OXCT1: variants seen among roughly 807,000 people sequenced by gnomAD.
OXCT1 encodes the protein 3-oxoacid CoA-transferase 1.
In OXCT1, 27 loss-of-function variants were observed where a neutral mutation model predicts 69.6. The ratio of observed to expected loss-of-function variants is 0.39; its 90% CI spans 0.29 to 0.54. OXCT1 has a LOEUF of 0.54. Among genes scored for constraint, OXCT1 ranks in the 20% least tolerant of loss-of-function variants. The pLI is 0.72. For missense variants in OXCT1, 437 were observed against 650.2 expected, an observed-to-expected ratio of 0.67 and a Z score of 3.57; for synonymous variants, 202 against 217.8, an observed-to-expected ratio of 0.93 and a Z score of 0.64.
At chr5:41,857,112 A>G (rs1191676019) in intron 3 of OXCT1, among the ~76,000 whole-genome samples, 1 of 152,138 alleles carries the variant, frequency 6.6e-6, no homozygotes, top group Non-Finnish European at 1.5e-5. Flanking sequence ...CCCCCTTCAA[A>G]GCCTATTCAA....
At chr5:41,736,013 G>T (rs1160595569) in intron 16 of OXCT1, among the ~76,000 whole-genome samples, 3 of 152,212 alleles carry the variant, frequency 2.0e-5, no homozygotes, top group African/African-American at 4.8e-5. Flanking sequence ...TGAAAAGCCT[G>T]CTGTGGCTGT....
intron 3 of OXCT1, among the ~76,000 whole-genome samples, 172 bp downstream of exon 3, chr5:41,861,142 A>G (rs1749713122): frequency 6.6e-6 from 1 of 152,042 alleles, no homozygotes; most frequent in Admixed American, 6.6e-5. Flanking sequence ...TGGTACCAAA[A>G]ACATTTGGAT....
chr5:41,768,989 A>G (rs946217718), intron 13 of OXCT1, among the ~76,000 whole-genome samples: 14 of 152,086 alleles, frequency 9.2e-5, no homozygotes, highest in Non-Finnish European at 1.6e-4. Flanking sequence ...TGGCTCCCAC[A>G]TGCCTTGAGG....
chr5:41,771,497 G>A (rs1331276741), intron 13 of OXCT1, among the ~76,000 whole-genome samples: 5 of 152,112 alleles, frequency 3.3e-5, no homozygotes, highest in Non-Finnish European at 7.4e-5. Context: ...CTATTTGTTA[G>A]ATTTTGAAAA....
chr5:41,792,181 G>A (rs911712261), intron 13 of OXCT1, among the ~76,000 whole-genome samples: 4 of 152,154 alleles, frequency 2.6e-5, no homozygotes, highest in African/African-American at 9.7e-5. Flanking sequence ...TGTATGCATT[G>A]TCACATGTAT....
At chr5:41,809,085 C>A (rs1364891423) in intron 7 of OXCT1, among the ~76,000 whole-genome samples, 1 of 144,872 alleles carries the variant, frequency 6.9e-6, no homozygotes, top group Non-Finnish European at 1.5e-5. Context: ...ATTTAATGAT[C>A]TCATAATTTC....
chr5:41,817,107 T>A (rs977186866), intron 7 of OXCT1, among the ~76,000 whole-genome samples: 1 of 152,110 alleles, frequency 6.6e-6, no homozygotes, highest in Non-Finnish European at 1.5e-5. Flanking sequence ...AACTTAAGTA[T>A]GATGATTAAA....
chr5:41,782,765 G>T (rs948295149), intron 13 of OXCT1, among the ~76,000 whole-genome samples: 6 of 152,152 alleles, frequency 3.9e-5, no homozygotes, highest in African/African-American at 1.4e-4. Flanking sequence ...AACATGGAAG[G>T]TTCTTTGTAT....
chr5:41,843,102 A>T (rs2112410081), intron 5 of OXCT1, among the ~76,000 whole-genome samples: 1 of 152,336 alleles, frequency 6.6e-6, no homozygotes, highest in Non-Finnish European at 1.5e-5. Flanking sequence ...TGTATATTGA[A>T]TGTGAAAAAT....
intron 3 of OXCT1, among the ~76,000 whole-genome samples, chr5:41,856,535 C>T (rs567366733): frequency 6.6e-6 from 1 of 152,188 alleles, no homozygotes; most frequent in Non-Finnish European, 1.5e-5. Context: ...GATTCCTTCC[C>T]AATTCTCAGA....
At chr5:41,818,079 A>C (rs960543850) in intron 7 of OXCT1, among the ~76,000 whole-genome samples, 6 of 152,206 alleles carry the variant, frequency 3.9e-5, no homozygotes, top group African/African-American at 1.4e-4. Flanking sequence ...TCAGTGACTC[A>C]AATATCATTT....
chr5:41,865,298 T>C (rs1749912538), intron 1 of OXCT1, among the ~76,000 whole-genome samples: 1 of 152,200 alleles, frequency 6.6e-6, no homozygotes, highest in Admixed American at 6.5e-5. Flanking sequence ...TTGTTTCATC[T>C]GATAGTTTTC....
At chr5:41,747,206 C>T (rs1743537285) in intron 15 of OXCT1, among the ~76,000 whole-genome samples, 1 of 152,070 alleles carries the variant, frequency 6.6e-6, no homozygotes, top group South Asian at 2.1e-4. Context: ...ACTGCCTTTT[C>T]CACCTCAGCC....
intron 14 of OXCT1, among the ~76,000 whole-genome samples, chr5:41,755,332 C>T (rs1034470024): frequency 6.6e-6 from 1 of 151,910 alleles, no homozygotes; most frequent in Non-Finnish European, 1.5e-5. Context: ...AATAAAAAGG[C>T]AAAACCATGT....
At chr5:41,733,355 T>A (rs1219796674) in intron 16 of OXCT1, among the ~76,000 whole-genome samples, 1 of 151,800 alleles carries the variant, frequency 6.6e-6, no homozygotes, top group African/African-American at 2.4e-5. Context: ...CAAGCGATTC[T>A]CCTGCCTTAG....
chr5:41,751,774 G>C (rs562369581), intron 14 of OXCT1, among the ~76,000 whole-genome samples: 1 of 152,210 alleles, frequency 6.6e-6, no homozygotes, highest in South Asian at 2.1e-4. Flanking sequence ...CATAAAACTA[G>C]TGAAAACACA....
chr5:41,791,877 C>G (rs180767542), intron 13 of OXCT1, among the ~76,000 whole-genome samples: 1 of 152,102 alleles, frequency 6.6e-6, no homozygotes, highest in African/African-American at 2.4e-5. Flanking sequence ...GATCTCTGCT[C>G]ACTGCAAGCT....
intron 7 of OXCT1, among the ~76,000 whole-genome samples, chr5:41,810,010 T>C (rs1033535733): frequency 1.3e-5 from 2 of 151,790 alleles, no homozygotes; most frequent in Admixed American, 1.3e-4. Flanking sequence ...GCAGAGTTAA[T>C]AGCTAAGAAA....
At chr5:41,768,157 T>C (rs185667017) in intron 13 of OXCT1, among the ~76,000 whole-genome samples, 25 of 151,964 alleles carry the variant, frequency 1.6e-4, no homozygotes, top group African/African-American at 5.3e-4. Flanking sequence ...CCTGAGCTCA[T>C]AGTTAGGCTA....
Sources: allele counts gnomAD v4.1 joint callset (sites outside exome capture counted in the v4.1 genomes callset), GRCh38; gene constraint gnomAD v4.1.1; transcripts MANE v1.5; gene names NCBI Gene and HGNC (gene_info 2026-07-23, HGNC 2026-07-21).